Variants in LIN28B observed in about 807,000 individuals in gnomAD.
The protein encoded by LIN28B is lin-28 RNA binding posttranscriptional regulator B, also known as protein lin-28 homolog B.
Under a neutral mutation model 21.9 loss-of-function variants are expected in LIN28B, and 5 were observed. The observed-to-expected ratio is 0.23, with a 90% CI of 0.12 to 0.48. The LOEUF (loss-of-function observed/expected upper bound fraction) is 0.48, where lower values mean the gene tolerates loss of function less well. Ranked by LOEUF, LIN28B falls within the 20% of genes least tolerant of loss-of-function variation. The pLI, the probability that LIN28B is intolerant of heterozygous loss-of-function variation, is 0.98. For synonymous variants in LIN28B, 109 were observed against 111.3 expected (o/e 0.98, Z 0.13); for missense variants, 245 against 310.5 (o/e 0.79, Z 1.58).
At chr6:105,005,227 C>T (rs942419493) in intron 2 of LIN28B, among the ~76,000 whole-genome samples, 3 of 152,122 alleles carry the variant, frequency 2.0e-5, no homozygotes, top group African/African-American at 7.2e-5. Flanking sequence ...GACCCCTCTA[C>T]CTTTTTTGTT....
At chr6:105,039,190 C>G (rs1034362062) in intron 3 of LIN28B, among the ~76,000 whole-genome samples, 1 of 152,102 alleles carries the variant, frequency 6.6e-6, no homozygotes, top group Non-Finnish European at 1.5e-5. Flanking sequence ...GTTTCATAAA[C>G]TTTTGAGTTG....
chr6:105,078,951 C>T lies in LIN28B; in HGVS notation c.*168C>T. Reference sequence around the variant, plus strand: ...TCACTCTAAGCAAATTACATTTGAGCAGGGTGTCATGTTTTATGTTAATTC... The same window carrying T: ...TCACTCTAAGCAAATTACATTTGAGTAGGGTGTCATGTTTTATGTTAATTC... On this transcript the variant is annotated 3_prime_UTR_variant, in exon 4 of 4. Coordinates refer to ENST00000345080, the MANE Select transcript of LIN28B (RefSeq NM_001004317.4). The T allele has an allele frequency of 2.9e-6, 2 of 685,686 alleles. No individual in the cohort carries two copies. Among genetic ancestry groups the T allele is most frequent in the Non-Finnish European group, 2.4e-6 (1 of 418,324 alleles). The allele number at this position is 685,686 out of a possible 1,614,324, so 42.5% of individuals were successfully genotyped here.
At chr6:104,950,281 T>C (rs995433806) in intron 2 of LIN28B, among the ~76,000 whole-genome samples, 5 of 152,156 alleles carry the variant, frequency 3.3e-5, no homozygotes. Flanking sequence ...AAAAGGCAAG[T>C]ATATGCCAAT....
In LIN28B at chr6:104,949,037, G is replaced by GT. The variant is rs757071978; in HGVS notation, c.19-1411dup. ...ATAGTTTGTCCAAATTATTTGCAAA[G>GT]TTTTTTTTTTTTTAACAAACCCTAT... On this transcript the variant is annotated intron_variant, in intron 2 of 5. Coordinates refer to the LIN28B transcript ENST00000635857. 5.5e-3 allele frequency among the ~76,000 whole-genome samples: 793 copies of GT among 143,350 alleles called. 4 individuals carry two copies. The highest frequency in any genetic ancestry group is 7.1e-3 in the Non-Finnish European group (465 of 65,068). 94.0% of individuals were successfully genotyped at this position (143,350 alleles called of 152,430 possible). A position where few individuals can be genotyped will look rare whatever the true frequency, so the allele number is the denominator to read the frequency against.
chr6:104,942,003 T>G lies in LIN28B; in HGVS notation c.18+4887T>G, dbSNP rs1186370145. Among the ~76,000 whole-genome samples the G allele has an allele frequency of 9.8e-5, 15 of 152,320 alleles. 1 individual carries two copies. Among genetic ancestry groups the G allele is most frequent in the Admixed American group, 8.5e-4 (13 of 15,302 alleles). On this transcript the variant is annotated intron_variant, in intron 2 of 5. Transcript: ENST00000635857. Reference sequence around the variant, plus strand: ...TTGTTTCATGTAACACAGAATGAAATCTTAGGTGCCTGTGTTTCCTTGAGT... The same window carrying G: ...TTGTTTCATGTAACACAGAATGAAAGCTTAGGTGCCTGTGTTTCCTTGAGT...
At chr6:104,967,433 T>G (rs914249172) in intron 2 of LIN28B, among the ~76,000 whole-genome samples, 1 of 151,418 alleles carries the variant, frequency 6.6e-6, no homozygotes, top group Non-Finnish European at 1.5e-5. Context: ...TACAAAAAAT[T>G]AGACAGGCCT....
At chr6:105,071,043 A>C (rs971970560) in intron 3 of LIN28B, among the ~76,000 whole-genome samples, 1 of 151,938 alleles carries the variant, frequency 6.6e-6, no homozygotes, top group Non-Finnish European at 1.5e-5. Flanking sequence ...TGCCTGGCTA[A>C]GTTTTGTGTT....
At position 104,958,131 on chromosome 6, in the gene LIN28B, G is replaced by T; in HGVS notation, c.43G>T (p.Gly15Trp). The change falls in exon 2 of 4, where the codon GGG (glycine) becomes TGG (tryptophan). Residue 15 changes from glycine to tryptophan, a missense_variant. Coordinates refer to ENST00000345080, the MANE Select transcript of LIN28B (RefSeq NM_001004317.4). ...TAGCAAAGGTGGTGGAGAAGAGCCC[G>T]GGAAGCTGCCGGAGCCGGCAGAGGA... is the stretch of plus-strand genomic sequence containing the variant. ...GASKGGGEEP[G>W]KLPEPAEEES... 1 of 1,603,568 alleles carries T rather than the reference G, an allele frequency of 6.2e-7. No homozygotes were observed. The highest frequency in any genetic ancestry group is 8.5e-7 in the Non-Finnish European group (1 of 1,172,566).
At chr6:104,939,552 G>C (rs1778055069) in intron 2 of LIN28B, 1 of 152,122 alleles carries the variant, frequency 6.6e-6, no homozygotes, top group African/African-American at 2.4e-5. Context: ...TAGATACATT[G>C]GTTTCTTAAT....
At chr6:104,986,938 C>G (rs1770359124) in intron 2 of LIN28B, among the ~76,000 whole-genome samples, 2 of 152,190 alleles carry the variant, frequency 1.3e-5, no homozygotes. Context: ...AAGAGCAATA[C>G]CTAACATTTC....
intron 2 of LIN28B, among the ~76,000 whole-genome samples, chr6:104,998,464 A>T (rs116896475): frequency 0.034 from 5,218 of 152,258 alleles, 131 homozygotes; most frequent in Non-Finnish European, 0.054. Flanking sequence ...AATATAGACA[A>T]TAATAATTTG....
chr6:105,003,853 A>C (rs999095183), intron 2 of LIN28B, among the ~76,000 whole-genome samples: 2 of 152,198 alleles, frequency 1.3e-5, no homozygotes, highest in African/African-American at 2.4e-5. Context: ...CAATAATTTT[A>C]AAAAATCAAT....
intron 2 of LIN28B, among the ~76,000 whole-genome samples, chr6:104,948,722 T>G (rs1007936236): frequency 6.6e-6 from 1 of 152,232 alleles, no homozygotes; most frequent in African/African-American, 2.4e-5. Context: ...ATGCTATTTT[T>G]TCTACTCTTG....
At chr6:104,972,459 C>T in intron 2 of LIN28B, among the ~76,000 whole-genome samples, 1 of 152,120 alleles carries the variant, frequency 6.6e-6, no homozygotes, top group East Asian at 1.9e-4. Context: ...TTTCTTCCTT[C>T]AGAATTTTTC....
chr6:105,047,948 A>G lies in LIN28B; in HGVS notation c.383+21466A>G, dbSNP rs537380942. 1.7e-4 allele frequency among the ~76,000 whole-genome samples: 26 copies of G among 152,336 alleles called. No homozygotes were observed. In the South Asian group the frequency reaches 4.8e-3, roughly 28 times the overall value. Reference sequence around the variant, plus strand: ...GACGATGTGGTTTTCTAAATATACAATCATGTCATCTGCAAACAGGGACAA... The same window carrying G: ...GACGATGTGGTTTTCTAAATATACAGTCATGTCATCTGCAAACAGGGACAA... On this transcript the variant is annotated intron_variant, in intron 3 of 3. Transcript: ENST00000345080.
intron 2 of LIN28B, among the ~76,000 whole-genome samples, chr6:104,971,184 C>T (rs1469442295): frequency 6.6e-6 from 1 of 152,064 alleles, no homozygotes; most frequent in Non-Finnish European, 1.5e-5. Flanking sequence ...TTTATTGGCA[C>T]ATATTTTCGT....
chr6:105,053,657 C>T (rs137943873), intron 3 of LIN28B, among the ~76,000 whole-genome samples: 127 of 148,568 alleles, frequency 8.5e-4, no homozygotes, highest in Non-Finnish European at 1.4e-3. Context: ...CTTTGTCTGA[C>T]AGTGATATAG....
At chr6:105,024,711 G>A (rs1426507047) in intron 2 of LIN28B, among the ~76,000 whole-genome samples, 1 of 152,068 alleles carries the variant, frequency 6.6e-6, no homozygotes, top group South Asian at 2.1e-4. Context: ...GTTTTCATGG[G>A]CTGTCTTGCT....
At chr6:105,001,331 C>T (rs1770715779) in intron 2 of LIN28B, among the ~76,000 whole-genome samples, 1 of 152,140 alleles carries the variant, frequency 6.6e-6, no homozygotes, top group South Asian at 2.1e-4. Flanking sequence ...CTTTTTTATA[C>T]TGAAGATGAC....
Sources: gnomAD v4.1 joint callset for allele counts (sites outside exome capture counted in the v4.1 genomes callset) on GRCh38, gnomAD v4.1.1 for gene constraint, MANE v1.5 for transcripts, NCBI Gene and HGNC (gene_info 2026-07-23, HGNC 2026-07-21) for gene names.